Variants in AGBL4 observed in about 807,000 individuals in gnomAD.
AGBL4 encodes cytosolic carboxypeptidase 6.
Under a neutral mutation model 66.4 loss-of-function variants are expected in AGBL4, and 58 were observed. The ratio of observed to expected loss-of-function variants is 0.87; its 90% CI spans 0.71 to 1.09. The LOEUF is 1.09. Ranked by LOEUF, AGBL4 falls within the 50% of genes least tolerant of loss-of-function variation. AGBL4 has a pLI of 0.00. For synonymous variants in AGBL4, 234 were observed against 222.9 expected, an observed-to-expected ratio of 1.05 and a Z score of -0.44; for missense variants, 579 against 631.0, an observed-to-expected ratio of 0.92 and a Z score of 0.88.
chr1:49,020,701 G>T (rs78691952), intron 5 of AGBL4, among the ~76,000 whole-genome samples: 2,759 of 152,216 alleles, frequency 0.018, 35 homozygotes, highest in Non-Finnish European at 0.03. Flanking sequence ...AAAGAAACAG[G>T]AGCCCAGAGC....
rs74461466 is a variant in AGBL4 at position 48,686,085 on chromosome 1, C to T, written c.635-22844G>A. Among the ~76,000 whole-genome samples, 744 of 152,302 alleles carry T rather than the reference C, an allele frequency of 4.9e-3. 7 individuals are homozygous for T. Among genetic ancestry groups the T allele is most frequent in the African/African-American group, 0.017 (713 of 41,564 alleles). ...ATCCCTATGAGATAGCCATTGTCAT[C>T]CCCATTTTACAGATGACAAAACTGA... On this transcript the variant is annotated intron_variant, in intron 6 of 13. Transcript: ENST00000371839.
chr1:49,267,014 A>G (rs1349640376), intron 3 of AGBL4, among the ~76,000 whole-genome samples: 1 of 152,228 alleles, frequency 6.6e-6, no homozygotes, highest in Non-Finnish European at 1.5e-5. Flanking sequence ...GAGGAAACGC[A>G]TACTGTTATG....
At chr1:49,036,746 G>A (rs1469872451) in intron 5 of AGBL4, among the ~76,000 whole-genome samples, 2 of 138,692 alleles carry the variant, frequency 1.4e-5, no homozygotes, top group African/African-American at 5.6e-5. Context: ...TTTTTTTGTA[G>A]TAATGAGGTC....
At chr1:49,852,522 A>C (rs1288115476) in intron 1 of AGBL4, among the ~76,000 whole-genome samples, 1 of 152,136 alleles carries the variant, frequency 6.6e-6, no homozygotes, top group African/African-American at 2.4e-5. Flanking sequence ...TCTGTGGTAC[A>C]GGCCTAGAGA....
intron 4 of AGBL4, among the ~76,000 whole-genome samples, chr1:49,118,837 T>C (rs891589408): frequency 1.3e-5 from 2 of 152,222 alleles, no homozygotes; most frequent in Non-Finnish European, 2.9e-5. Flanking sequence ...TGGACTTTTT[T>C]TGGTTGGTAG....
At chr1:48,605,885 T>C (rs1198848816) in intron 9 of AGBL4, among the ~76,000 whole-genome samples, 1 of 152,204 alleles carries the variant, frequency 6.6e-6, no homozygotes, top group African/African-American at 2.4e-5. Context: ...TTCTTTCTCT[T>C]TTTTTCTTCT....
chr1:49,603,800 G>T (rs1178962876), intron 3 of AGBL4, among the ~76,000 whole-genome samples: 1 of 151,996 alleles, frequency 6.6e-6, no homozygotes, highest in Non-Finnish European at 1.5e-5. Flanking sequence ...GCACTTGTAA[G>T]TGAGAACATG....
chr1:48,881,849 C>A (rs555228233), intron 5 of AGBL4, among the ~76,000 whole-genome samples: 1 of 152,190 alleles, frequency 6.6e-6, no homozygotes, highest in African/African-American at 2.4e-5. Context: ...CCAGGACCTA[C>A]TCTACTTAGG....
At position 48,590,834 on chromosome 1, in the gene AGBL4, TAGG is replaced by T. The variant is rs1644904103; in HGVS notation, c.1100_1102del (p.Ser367del). On this transcript the variant is annotated inframe_deletion and splice_region_variant, in exon 10 of 14. Transcript: ENST00000371839. The stretch of plus-strand genomic sequence containing the variant: ...GCTGAGAGAGAACTCCTGGCTTACA[TAGG>T]AGAAGTCCTCAGCATTCTGGCAGAG... 6.3e-7 allele frequency: 1 copy of T among 1,598,332 alleles called. No homozygotes were observed. The highest frequency in any genetic ancestry group is 8.5e-7 in the Non-Finnish European group (1 of 1,172,158).
chr1:48,878,721 C>T (rs1169034086), intron 5 of AGBL4, among the ~76,000 whole-genome samples: 1 of 152,106 alleles, frequency 6.6e-6, no homozygotes, highest in East Asian at 1.9e-4. Context: ...ACATAGCAGG[C>T]TCTCAGTCAT....
rs750250911 is a variant in AGBL4 at position 49,868,636 on chromosome 1, A to G, written c.35-17118T>C. 3.3e-5 allele frequency among the ~76,000 whole-genome samples: 5 copies of G among 152,252 alleles called. No homozygotes were observed. In the East Asian group the frequency reaches 5.8e-4, roughly 18 times the overall value. ...GATAAAGACTTAAATGTAAAACGCAAAAGTATAAGAACCCTAGAAGAAAAC... is the reference window on the plus strand; with the variant it reads ...GATAAAGACTTAAATGTAAAACGCAGAAGTATAAGAACCCTAGAAGAAAAC... On this transcript the variant is annotated intron_variant, in intron 1 of 13. Transcript: ENST00000371839.
intron 2 of AGBL4, among the ~76,000 whole-genome samples, chr1:49,720,943 G>T (rs550201080): frequency 1.8e-4 from 27 of 152,230 alleles, no homozygotes; most frequent in African/African-American, 6.5e-4. Flanking sequence ...TCATGTGACA[G>T]AACACAGAGT....
chr1:49,493,184 C>A (rs979060277), intron 3 of AGBL4, among the ~76,000 whole-genome samples: 24 of 152,006 alleles, frequency 1.6e-4, no homozygotes, highest in African/African-American at 5.8e-4. Flanking sequence ...GGGACACAGG[C>A]AAACAATATC....
At chr1:49,886,384 G>A (rs1047838224) in intron 1 of AGBL4, among the ~76,000 whole-genome samples, 8 of 152,074 alleles carry the variant, frequency 5.3e-5, no homozygotes, top group Non-Finnish European at 1.0e-4. Flanking sequence ...GAGGAACAAA[G>A]TATTAACCTG....
chr1:48,588,140 G>GAGGAATAT, intron 10 of AGBL4, among the ~76,000 whole-genome samples: 2 of 152,118 alleles, frequency 1.3e-5, no homozygotes, highest in Non-Finnish European at 2.9e-5. Context: ...TCATAGAGGT[G>GAGGAATAT]GAGCAAGTAA....
chr1:49,516,953 C>A (rs1315832301), intron 3 of AGBL4, among the ~76,000 whole-genome samples: 1 of 151,910 alleles, frequency 6.6e-6, no homozygotes, highest in African/African-American at 2.4e-5. Context: ...AAACGATAAT[C>A]AAAACATAAA....
At chr1:48,982,243 C>T (rs1029251961) in intron 5 of AGBL4, among the ~76,000 whole-genome samples, 11 of 152,232 alleles carry the variant, frequency 7.2e-5, no homozygotes, top group South Asian at 2.1e-4. Context: ...GTGTGCACAA[C>T]GTGCAGGTTT....
At chr1:49,928,232 T>C (rs965218623) in intron 1 of AGBL4, among the ~76,000 whole-genome samples, 2 of 152,050 alleles carry the variant, frequency 1.3e-5, no homozygotes, top group African/African-American at 4.8e-5. Flanking sequence ...TTGGAGTACC[T>C]TTTTTATTTT....
intron 6 of AGBL4, among the ~76,000 whole-genome samples, chr1:48,853,190 C>T (rs1647071457): frequency 6.6e-6 from 1 of 152,102 alleles, no homozygotes; most frequent in Admixed American, 6.5e-5. Flanking sequence ...AGGTCTCCTG[C>T]CAAAAGCCAG....
Sources: gnomAD v4.1 joint callset for allele counts (sites outside exome capture counted in the v4.1 genomes callset) on GRCh38, gnomAD v4.1.1 for gene constraint, MANE v1.5 for transcripts, NCBI Gene and HGNC (gene_info 2026-07-23, HGNC 2026-07-21) for gene names.